FLCN: variants seen among roughly 807,000 people sequenced by gnomAD.
The protein encoded by FLCN is BHD skin lesion fibrofolliculoma protein.
A neutral mutation model predicts 62.5 loss-of-function variants in FLCN; 22 were observed. That is an observed-to-expected ratio of 0.35 (90% CI 0.25 to 0.50). The LOEUF is 0.50. Among genes scored for constraint, FLCN ranks in the 20% least tolerant of loss-of-function variants. The pLI is 0.97. For synonymous variants in FLCN, 319 were observed against 310.0 expected (o/e 1.03, Z -0.30); for missense variants, 657 against 778.0 (o/e 0.84, Z 1.85).
chr17:17,226,400 G>C lies in FLCN; in HGVS notation c.250-78C>G, dbSNP rs911528878. 3.8e-6 allele frequency: 6 copies of C among 1,567,852 alleles called. No individual in the cohort carries two copies. In the African/African-American group the frequency reaches 6.7e-5, roughly 18 times the overall value. On this transcript the variant is annotated intron_variant, in intron 4 of 13. Coordinates refer to ENST00000285071, the MANE Select transcript of FLCN (RefSeq NM_144997.7). ...CTCTCTTAGGTTTATGCAAATCTGAGCTCGGAAAACTCAAGCTATTTTTGT... is the reference window on the plus strand; with the variant it reads ...CTCTCTTAGGTTTATGCAAATCTGACCTCGGAAAACTCAAGCTATTTTTGT...
chr17:17,213,750 G>C lies in FLCN; in HGVS notation c.1645C>G (p.Leu549Val), dbSNP rs1555606373. 2 of 1,614,246 alleles carry C rather than the reference G, an allele frequency of 1.2e-6. No homozygotes were observed. The highest frequency in any genetic ancestry group is 1.7e-6 in the Non-Finnish European group (2 of 1,180,042). ...LGASEEDNVK[L>V]LKFWMTGLSK... The stretch of plus-strand genomic sequence containing the variant: ...AGGCCAGTCATCCAGAACTTCAGCA[G>C]CTTGACATTGTCCTCCTCGGACGCA... Residue 549 changes from leucine (L) to valine (V), a missense_variant, in exon 14 of 14, where the codon CTG becomes GTG. Leu to Val is a conservative substitution (Grantham distance 32). Transcript: ENST00000285071.
At position 17,216,941 on chromosome 17, in the gene FLCN, C is replaced by G; in HGVS notation, c.1176+128G>C. On this transcript the variant is annotated intron_variant, in intron 10 of 13. Coordinates refer to ENST00000285071, the MANE Select transcript of FLCN (RefSeq NM_144997.7). The surrounding 1 kb of genome is among the most constrained non-coding windows in gnomAD (Gnocchi z 4.0). ...CGGGTCTCCGTGCCCACTGCGCCCC[C>G]AGTGGAGACCGTGTGGTGCACAGCG... 1.3e-6 allele frequency: 1 copy of G among 752,876 alleles called. No individual in the cohort carries two copies. The highest frequency in any genetic ancestry group is 2.4e-6 in the Non-Finnish European group (1 of 424,248). 46.6% of individuals were successfully genotyped at this position (752,876 alleles called of 1,614,324 possible). A position where few individuals can be genotyped will look rare whatever the true frequency, so the allele number is the denominator to read the frequency against.
intron 4 of FLCN, among the ~76,000 whole-genome samples, chr17:17,226,926 C>T (rs2047268179): frequency 6.6e-6 from 1 of 152,218 alleles, no homozygotes; most frequent in Admixed American, 6.5e-5. Flanking sequence ...TACCCCAGGA[C>T]TGTGCGGCAG....
Position 17,216,364 on chromosome 17 carries a change from C to G in FLCN, c.1300+16G>C. 1.2e-6 allele frequency: 2 copies of G among 1,613,044 alleles called. No homozygotes were observed. The highest frequency in any genetic ancestry group is 2.2e-5 in the South Asian group (2 of 91,014). On this transcript the variant is annotated intron_variant, in intron 11 of 13. Transcript: ENST00000285071. The surrounding 1 kb of genome is among the most constrained non-coding windows in gnomAD (Gnocchi z 4.0). ...TCAGCGCAGGGCATGGCCCCACAGCCCGCGGGGGCACGCACCTGAGGAGAG... is the reference window on the plus strand; with the variant it reads ...TCAGCGCAGGGCATGGCCCCACAGCGCGCGGGGGCACGCACCTGAGGAGAG...
At position 17,213,521 on chromosome 17, in the gene FLCN, C is replaced by G; in HGVS notation, c.*134G>C. 1 of 1,252,964 alleles carries G rather than the reference C, an allele frequency of 8.0e-7. No homozygotes were observed. Among genetic ancestry groups the G allele is most frequent in the South Asian group, 1.2e-5 (1 of 80,252 alleles). 77.6% of individuals were successfully genotyped at this position (1,252,964 alleles called of 1,614,324 possible). On this transcript the variant is annotated 3_prime_UTR_variant, in exon 14 of 14. Coordinates refer to ENST00000285071, the MANE Select transcript of FLCN (RefSeq NM_144997.7). ...CCAAACCTGACAGGGCCGAGCCCAG[C>G]CCTGATGGTTTCCCTTCCTTGCTGG...
intron 1 of FLCN, among the ~76,000 whole-genome samples, chr17:17,233,393 C>T (rs182242759): frequency 7.9e-5 from 12 of 151,828 alleles, no homozygotes; most frequent in Non-Finnish European, 1.6e-4. Flanking sequence ...GTCAGGAGAT[C>T]GAGACCATCC....
Position 17,221,639 on chromosome 17 carries a change from C to A in FLCN, c.780-11G>T. ...CACGCCTTCAGGAGCCTGGAGAACA[C>A]AGCACCAGCTATGAGCGTTCTCGCC... On this transcript the variant is annotated splice_polypyrimidine_tract_variant and intron_variant, in intron 7 of 13. Transcript: ENST00000285071. 6.2e-7 allele frequency: 1 copy of A among 1,605,930 alleles called. No homozygotes were observed. Among genetic ancestry groups the A allele is most frequent in the Non-Finnish European group, 8.5e-7 (1 of 1,179,780 alleles).
intron 4 of FLCN, among the ~76,000 whole-genome samples, chr17:17,226,878 C>T (rs2047266111): frequency 1.3e-5 from 2 of 152,220 alleles, no homozygotes; most frequent in South Asian, 2.1e-4. Flanking sequence ...CAGCCACAGC[C>T]ACTCCGATGC....
chr17:17,225,918 G>A (rs573567184), intron 5 of FLCN: 3 of 623,688 alleles, frequency 4.8e-6, no homozygotes, highest in African/African-American at 1.8e-5. Flanking sequence ...AATAAAGAAA[G>A]GACAAATAAT....
rs2046809640 is a variant in FLCN, at chr17:17,213,471, GGA to G, written c.*182_*183del. 2 of 722,306 alleles carry G rather than the reference GGA, an allele frequency of 2.8e-6. No individual in the cohort carries two copies. Among genetic ancestry groups the G allele is most frequent in the South Asian group, 1.6e-5 (1 of 60,642 alleles). 44.7% of individuals were successfully genotyped at this position (722,306 alleles called of 1,614,324 possible). A position where few individuals can be genotyped will look rare whatever the true frequency, so the allele number is the denominator to read the frequency against. ...TCTTCAGCGATTCCAACGGCTGGAG[GGA>G]GAGTCTGGGAAGCACACAGGCCCCA... On this transcript the variant is annotated 3_prime_UTR_variant, in exon 14 of 14. Transcript: ENST00000285071.
chr17:17,228,378 G>C, intron 3 of FLCN: 1 of 567,124 alleles, frequency 1.8e-6, no homozygotes, highest in South Asian at 2.1e-5. Context: ...AAATAGGGGA[G>C]GGGACAATGT....
intron 5 of FLCN, chr17:17,224,359 C>T (rs1292685359): frequency 1.0e-5 from 6 of 591,774 alleles, no homozygotes; most frequent in African/African-American, 1.9e-5. Context: ...CTGCAAGGGC[C>T]GGTAACAAGG....
chr17:17,235,489 G>C (rs925966594), intron 1 of FLCN: 4 of 152,246 alleles, frequency 2.6e-5, no homozygotes, highest in African/African-American at 9.7e-5. Context: ...AAAAGCACTT[G>C]TCAGACGAGA....
intron 9 of FLCN, among the ~76,000 whole-genome samples, chr17:17,217,966 G>A (rs1042967062): frequency 5.9e-5 from 9 of 152,130 alleles, no homozygotes; most frequent in Admixed American, 2.6e-4. Context: ...CATAAGCAAC[G>A]GACAAGGAAG....
rs572284084 is a variant in FLCN at position 17,222,676 on chromosome 17, G to C, written c.619-15C>G. 2 of 1,614,172 alleles carry C rather than the reference G, an allele frequency of 1.2e-6. No individual in the cohort carries two copies. The highest frequency in any genetic ancestry group is 1.7e-6 in the Non-Finnish European group (2 of 1,180,026). On this transcript the variant is annotated splice_polypyrimidine_tract_variant and intron_variant, in intron 6 of 13. Transcript: ENST00000285071. ...GCCTCAAACACCTGAAATGCAAAGG[G>C]AAGGGATGGCCTCTTTAAGCCAAAG...
chr17:17,222,651 G>A lies in FLCN; in HGVS notation c.629C>T (p.Ala210Val), dbSNP rs2144952237. The change falls in exon 7 of 14, where the codon GCA (alanine) becomes GTA (valine). Residue 210 changes from alanine to valine, a missense_variant. Transcript: ENST00000285071. ...ACGCTGTGGGCATCCAAACTGCTCT[G>A]CCTCAAACACCTGAAATGCAAAGGG... Reference protein sequence around the residue: ...LQGKALKVFEAEQFGCPQRAQ... With the variant: ...LQGKALKVFEVEQFGCPQRAQ... The A allele has an allele frequency of 6.2e-7, 1 of 1,614,154 alleles. No homozygotes were observed. The highest frequency in any genetic ancestry group is 8.5e-7 in the Non-Finnish European group (1 of 1,180,026).
chr17:17,216,602 C>A lies in FLCN; in HGVS notation c.1177-99G>T. 1.3e-6 allele frequency: 2 copies of A among 1,555,356 alleles called. No homozygotes were observed. The highest frequency in any genetic ancestry group is 8.7e-7 in the Non-Finnish European group (1 of 1,152,256). On this transcript the variant is annotated intron_variant, in intron 10 of 13. Transcript: ENST00000285071. The surrounding 1 kb of genome is among the most constrained non-coding windows in gnomAD (Gnocchi z 4.0). ...CAAACCCCACACGCCTCCTGCAGCC[C>A]GGTCCAAGCCCTCCCTCCTGCCAGA...
chr17:17,214,573 A>G (rs1028934327), intron 13 of FLCN, among the ~76,000 whole-genome samples: 10 of 152,296 alleles, frequency 6.6e-5, no homozygotes, highest in Admixed American at 2.0e-4. Context: ...CAGCCTGGGC[A>G]ACAAGAGCCA....
At chr17:17,225,796 G>A (rs548934448) in intron 5 of FLCN, 36 of 336,316 alleles carry the variant, frequency 1.1e-4, no homozygotes, top group South Asian at 5.7e-4. Context: ...CGGGAGGATC[G>A]CTTGAGCCCA....
Sources: gnomAD v4.1 joint callset for allele counts (sites outside exome capture counted in the v4.1 genomes callset) on GRCh38, gnomAD v4.1.1 for gene constraint, Gnocchi (gnomAD v3.1) non-coding constraint, MANE v1.5 for transcripts, NCBI Gene and HGNC (gene_info 2026-07-23, HGNC 2026-07-21) for gene names.